CADM2: variants seen among roughly 807,000 people sequenced by gnomAD.
CADM2 encodes the protein cell adhesion molecule 2, also known as immunoglobulin superfamily member 4D.
Under a neutral mutation model 49.8 loss-of-function variants are expected in CADM2, and 12 were observed. The ratio of observed to expected loss-of-function variants is 0.24; its 90% CI spans 0.15 to 0.39. The LOEUF (loss-of-function observed/expected upper bound fraction) is 0.39. CADM2 is among the 10% of genes least tolerant of loss of function. CADM2 has a pLI of 1.00. For missense variants in CADM2, 378 were observed against 492.3 expected (o/e 0.77, Z 2.20); for synonymous variants, 214 against 175.4 (o/e 1.22, Z -1.74).
chr3:85,627,832 G>A (rs1023011331), intron 1 of CADM2, among the ~76,000 whole-genome samples: 6 of 152,008 alleles, frequency 3.9e-5, no homozygotes, highest in African/African-American at 1.4e-4. Context: ...TTTTATTGAA[G>A]ATACAAGGTA....
intron 1 of CADM2, among the ~76,000 whole-genome samples, chr3:85,553,323 G>A (rs2061864623): frequency 6.6e-6 from 1 of 151,536 alleles, no homozygotes; most frequent in Non-Finnish European, 1.5e-5. Flanking sequence ...TTTAAACAAA[G>A]AAGATACTAT....
intron 1 of CADM2, among the ~76,000 whole-genome samples, chr3:85,516,128 G>A (rs923640778): frequency 5.3e-5 from 8 of 152,138 alleles, no homozygotes; most frequent in Admixed American, 2.0e-4. Context: ...GTCCTCAAAT[G>A]TTTGAGTCTG....
intron 1 of CADM2, among the ~76,000 whole-genome samples, chr3:85,295,683 C>T (rs1322747857): frequency 6.6e-5 from 10 of 151,880 alleles, no homozygotes; most frequent in African/African-American, 9.7e-5. Context: ...AGTAAACTAT[C>T]GCAAGAACAA....
At chr3:85,886,394 G>A (rs927738444) in intron 5 of CADM2, 67 bp downstream of exon 5, 29 of 1,212,962 alleles carry the variant, frequency 2.4e-5, no homozygotes, top group Non-Finnish European at 3.1e-5. Flanking sequence ...TAAGAAAAAG[G>A]CATTTTACAT....
At chr3:85,806,639 G>A (rs1218250296) in intron 3 of CADM2, among the ~76,000 whole-genome samples, 1 of 152,102 alleles carries the variant, frequency 6.6e-6, no homozygotes, top group Non-Finnish European at 1.5e-5. Context: ...GGAGGCTGAG[G>A]CATGAGCATT....
intron 3 of CADM2, among the ~76,000 whole-genome samples, chr3:85,852,708 A>G (rs2075155907): frequency 1.3e-5 from 2 of 152,106 alleles, no homozygotes; most frequent in Admixed American, 1.3e-4. Context: ...TTTTATAACT[A>G]AATTGTATTT....
intron 1 of CADM2, among the ~76,000 whole-genome samples, chr3:85,721,891 C>G (rs141542838): frequency 1.1e-3 from 175 of 152,310 alleles, no homozygotes; most frequent in Middle Eastern, 3.4e-3. Flanking sequence ...AATTCTTGCT[C>G]CACACCCAGG....
At chr3:85,466,563 A>T (rs2038500638) in intron 1 of CADM2, among the ~76,000 whole-genome samples, 1 of 152,164 alleles carries the variant, frequency 6.6e-6, no homozygotes, top group Admixed American at 6.5e-5. Context: ...AGTCACCCCT[A>T]TTCATAGAAT....
chr3:85,260,828 C>T (rs917743887), intron 1 of CADM2, among the ~76,000 whole-genome samples: 21 of 152,066 alleles, frequency 1.4e-4, no homozygotes, highest in African/African-American at 3.6e-4. Context: ...TCATTAGTAA[C>T]GAATTCTTTG....
At chr3:86,042,601 A>T (rs1194176711) in intron 8 of CADM2, among the ~76,000 whole-genome samples, 2 of 152,110 alleles carry the variant, frequency 1.3e-5, no homozygotes, top group East Asian at 3.9e-4. Flanking sequence ...CTTACCAACC[A>T]AAAAAAGTCC....
chr3:85,951,760 T>G (rs1387490050), intron 7 of CADM2, among the ~76,000 whole-genome samples: 1 of 151,042 alleles, frequency 6.6e-6, no homozygotes, highest in Non-Finnish European at 1.5e-5. Flanking sequence ...AAGGACAGTA[T>G]TTAGTAAAAC....
chr3:85,425,828 T>G (rs544876701), intron 1 of CADM2, among the ~76,000 whole-genome samples: 2 of 152,250 alleles, frequency 1.3e-5, no homozygotes, highest in South Asian at 4.2e-4. Context: ...GGCCCTGAGC[T>G]CTGGGAGCCC....
intron 5 of CADM2, among the ~76,000 whole-genome samples, chr3:85,893,007 G>C (rs1056069325): frequency 6.6e-6 from 1 of 152,174 alleles, no homozygotes; most frequent in Non-Finnish European, 1.5e-5. Flanking sequence ...GTCTCAGAGG[G>C]AGATGAGAAA....
intron 1 of CADM2, among the ~76,000 whole-genome samples, chr3:85,571,409 G>T (rs200228438): frequency 6.7e-6 from 1 of 148,670 alleles, no homozygotes; most frequent in Non-Finnish European, 1.5e-5. Context: ...TTGTCCAGAT[G>T]TTTTTTTTTT....
intron 1 of CADM2, among the ~76,000 whole-genome samples, chr3:85,408,765 T>A (rs2035522274): frequency 6.6e-6 from 1 of 152,192 alleles, no homozygotes; most frequent in Non-Finnish European, 1.5e-5. Context: ...GGAGCAAACA[T>A]ATTTGAAAAC....
At chr3:85,267,139 C>G (rs1249906058) in intron 1 of CADM2, among the ~76,000 whole-genome samples, 1 of 99,726 alleles carries the variant, frequency 1.0e-5, no homozygotes, top group African/African-American at 3.3e-5. Context: ...GAAAGATTAA[C>G]CATAATTTGA....
chr3:85,291,212 A>G (rs966710900), intron 1 of CADM2, among the ~76,000 whole-genome samples: 1 of 152,142 alleles, frequency 6.6e-6, no homozygotes, highest in African/African-American at 2.4e-5. Flanking sequence ...AATGAATGAA[A>G]TGAAGCTAGA....
At chr3:85,833,198 T>C (rs1286107365) in intron 3 of CADM2, among the ~76,000 whole-genome samples, 1 of 151,910 alleles carries the variant, frequency 6.6e-6, no homozygotes, top group Non-Finnish European at 1.5e-5. Context: ...CTTTCTGATG[T>C]GCTGCTGGAT....
chr3:85,194,243 G>T (rs1381389737), intron 1 of CADM2, among the ~76,000 whole-genome samples: 1 of 152,110 alleles, frequency 6.6e-6, no homozygotes, highest in African/African-American at 2.4e-5. Context: ...ACCAGAGAGA[G>T]TGTGGGGCAG....
Sources: gnomAD v4.1 joint callset for allele counts (sites outside exome capture counted in the v4.1 genomes callset) on GRCh38, gnomAD v4.1.1 for gene constraint, MANE v1.5 for transcripts, NCBI Gene and HGNC (gene_info 2026-07-23, HGNC 2026-07-21) for gene names.